PDE7B: variants seen among roughly 807,000 people sequenced by gnomAD.
The protein encoded by PDE7B is phosphodiesterase 7B.
In PDE7B, 29 loss-of-function variants were observed where a neutral mutation model predicts 56.2. The ratio of observed to expected loss-of-function variants is 0.52; its 90% CI spans 0.38 to 0.70. The LOEUF (loss-of-function observed/expected upper bound fraction) is 0.70. Among genes scored for constraint, PDE7B ranks in the 30% least tolerant of loss-of-function variants. The probability of loss-of-function intolerance (pLI) is 0.00; values close to 1 mark genes in which losing one functional copy is unlikely to be tolerated. For missense variants in PDE7B, 490 were observed against 565.0 expected, an observed-to-expected ratio of 0.87 and a Z score of 1.35; for synonymous variants, 197 against 196.9, an observed-to-expected ratio of 1.00 and a Z score of 0.00.
chr6:135,892,270 T>C (rs1482085160), intron 1 of PDE7B, among the ~76,000 whole-genome samples: 1 of 152,176 alleles, frequency 6.6e-6, no homozygotes, highest in African/African-American at 2.4e-5. Flanking sequence ...AGCTTAATTA[T>C]ATCGGCTTTC....
intron 2 of PDE7B, among the ~76,000 whole-genome samples, chr6:135,967,861 G>C (rs1583801289): frequency 6.6e-6 from 1 of 152,292 alleles, no homozygotes; most frequent in Middle Eastern, 3.4e-3. Flanking sequence ...GCGCCACTTG[G>C]GCAGGACCTG....
chr6:135,942,667 C>T (rs963261148), intron 1 of PDE7B, among the ~76,000 whole-genome samples: 2 of 152,094 alleles, frequency 1.3e-5, no homozygotes, highest in Non-Finnish European at 2.9e-5. Flanking sequence ...ACATCCCAAG[C>T]TCCTGGTAAA....
In PDE7B at chr6:136,053,284, C is replaced by T. The variant is rs541807457; in HGVS notation, c.83-55447C>T. Reference sequence around the variant, plus strand: ...CCATGTGTTCTTATTGTTCAATTCCCACCCATGAGTTAGAACATGCGGTGT... The same window carrying T: ...CCATGTGTTCTTATTGTTCAATTCCTACCCATGAGTTAGAACATGCGGTGT... On this transcript the variant is annotated intron_variant, in intron 2 of 12. Transcript: ENST00000308191. 2.1e-4 allele frequency among the ~76,000 whole-genome samples: 31 copies of T among 147,486 alleles called. No homozygotes were observed. The East Asian group carries it at 2.8e-3, about 13-fold the overall frequency.
intron 1 of PDE7B, among the ~76,000 whole-genome samples, chr6:135,885,023 T>A (rs1183430762): frequency 1.3e-5 from 2 of 152,164 alleles, no homozygotes; most frequent in Admixed American, 1.3e-4. Context: ...GGGATTTCCA[T>A]GCCGTCACTT....
intron 2 of PDE7B, among the ~76,000 whole-genome samples, chr6:136,104,664 T>C (rs1237060943): frequency 6.6e-6 from 1 of 152,240 alleles, no homozygotes; most frequent in Non-Finnish European, 1.5e-5. Context: ...TTCCATTAAA[T>C]AGAATGCTTC....
At chr6:135,867,650 G>T (rs149095478) in intron 1 of PDE7B, among the ~76,000 whole-genome samples, 3 of 152,070 alleles carry the variant, frequency 2.0e-5, no homozygotes, top group African/African-American at 7.2e-5. Flanking sequence ...TTTATGAAAC[G>T]TTACTCTTCT....
chr6:136,092,675 C>A (rs193129601), intron 2 of PDE7B, among the ~76,000 whole-genome samples: 1 of 152,058 alleles, frequency 6.6e-6, no homozygotes, highest in South Asian at 2.1e-4. Flanking sequence ...GCAGGAGAAT[C>A]GCTTGATCCC....
chr6:136,012,284 C>T (rs1775908227), intron 2 of PDE7B, among the ~76,000 whole-genome samples: 1 of 152,154 alleles, frequency 6.6e-6, no homozygotes, highest in African/African-American at 2.4e-5. Context: ...TGCTGGTTTG[C>T]TCTCTCTTGA....
chr6:136,034,819 C>G (rs1776299171), intron 2 of PDE7B: 1 of 153,098 alleles, frequency 6.5e-6, no homozygotes, highest in South Asian at 2.0e-4. Context: ...AACCACCCCT[C>G]AGGGACCCTG....
chr6:135,904,031 A>G (rs1776053051), intron 1 of PDE7B, among the ~76,000 whole-genome samples: 1 of 152,212 alleles, frequency 6.6e-6, no homozygotes, highest in African/African-American at 2.4e-5. Context: ...CCAACTAAGT[A>G]AGAGGCAGTT....
At chr6:135,896,580 T>A (rs374327654) in intron 1 of PDE7B, among the ~76,000 whole-genome samples, 4 of 152,292 alleles carry the variant, frequency 2.6e-5, no homozygotes, top group Admixed American at 1.3e-4. Flanking sequence ...TTTGCTGTGA[T>A]CCTTGCAACT....
intron 1 of PDE7B, among the ~76,000 whole-genome samples, chr6:135,903,980 CCT>C (rs1776052088): frequency 1.3e-5 from 2 of 152,116 alleles, no homozygotes; most frequent in African/African-American, 4.8e-5. Flanking sequence ...TTTATTTTTC[CCT>C]TTTTTATTTG....
intron 3 of PDE7B, among the ~76,000 whole-genome samples, chr6:136,128,976 T>G (rs939725577): frequency 6.6e-6 from 1 of 152,166 alleles, no homozygotes; most frequent in Non-Finnish European, 1.5e-5. Context: ...CCATCAGAAC[T>G]TATCCATCCA....
chr6:136,008,590 A>T (rs1165941082), intron 2 of PDE7B, among the ~76,000 whole-genome samples: 1 of 152,096 alleles, frequency 6.6e-6, no homozygotes, highest in African/African-American at 2.4e-5. Flanking sequence ...GCCAGTGAGG[A>T]TGAGCATTTT....
At chr6:136,122,167 T>C (rs971837567) in intron 3 of PDE7B, among the ~76,000 whole-genome samples, 4 of 152,062 alleles carry the variant, frequency 2.6e-5, no homozygotes, top group African/African-American at 9.7e-5. Flanking sequence ...GGCTAATTTT[T>C]TGTATTTTTA....
chr6:136,161,942 G>A (rs906242616), intron 8 of PDE7B: 1 of 152,198 alleles, frequency 6.6e-6, no homozygotes, highest in South Asian at 2.1e-4. Context: ...ATGGGGATAT[G>A]TGAAGACTTT....
At chr6:136,118,953 G>A (rs763799755) in intron 3 of PDE7B, among the ~76,000 whole-genome samples, 1 of 152,186 alleles carries the variant, frequency 6.6e-6, no homozygotes, top group African/African-American at 2.4e-5. Context: ...GGTGGAAGAC[G>A]CCAAATGACA....
intron 2 of PDE7B, chr6:136,034,662 C>G (rs1049124860): frequency 6.5e-6 from 1 of 152,822 alleles, no homozygotes; most frequent in African/African-American, 2.4e-5. Context: ...AATTAAGGTC[C>G]TCTTTGGTAC....
At chr6:135,987,826 GACACACACACACACAT>G (rs1190473348) in intron 2 of PDE7B, among the ~76,000 whole-genome samples, 1 of 150,384 alleles carries the variant, frequency 6.6e-6, no homozygotes, top group Non-Finnish European at 1.5e-5. Context: ...AAATAATAAA[GACACACACACACACAT>G]ACACACACAC....
Sources: allele counts gnomAD v4.1 joint callset (sites outside exome capture counted in the v4.1 genomes callset), GRCh38; gene constraint gnomAD v4.1.1; transcripts MANE v1.5; gene names NCBI Gene and HGNC (gene_info 2026-07-23, HGNC 2026-07-21).